The following PPARG variants were observed in gnomAD, a reference collection of about 807,000 sequenced individuals.
PPARG encodes the protein peroxisome proliferator-activated receptor gamma.
In PPARG, 17 loss-of-function variants were observed where a neutral mutation model predicts 39.2. The observed-to-expected ratio is 0.43, with a 90% confidence interval of 0.30 to 0.65. PPARG has a LOEUF of 0.65. Ranked by LOEUF, PPARG falls within the 30% of genes least tolerant of loss-of-function variation. The pLI is 0.13. For missense variants in PPARG, 406 were observed against 585.9 expected, an observed-to-expected ratio of 0.69 and a Z score of 3.17; for synonymous variants, 223 against 215.7, an observed-to-expected ratio of 1.03 and a Z score of -0.30.
At chr3:12,361,076 CTG>C (rs2048832315) in intron 2 of PPARG, among the ~76,000 whole-genome samples, 1 of 152,196 alleles carries the variant, frequency 6.6e-6, no homozygotes, top group African/African-American at 2.4e-5. Flanking sequence ...TTGGCATTCT[CTG>C]TCTTTTTCAC....
At chr3:12,381,910 C>T (rs1008705889) in intron 4 of PPARG, among the ~76,000 whole-genome samples, 1 of 150,898 alleles carries the variant, frequency 6.6e-6, no homozygotes, top group African/African-American at 2.4e-5. Context: ...CCTGCATTCT[C>T]TAGTTGTTTA....
intron 2 of PPARG, among the ~76,000 whole-genome samples, chr3:12,315,312 T>C (rs2047360163): frequency 6.6e-6 from 1 of 152,188 alleles, no homozygotes; most frequent in Non-Finnish European, 1.5e-5. Flanking sequence ...TTCCATCGTG[T>C]ATGTGAGCCA....
At chr3:12,397,860 GA>G (rs1278362797) in intron 5 of PPARG, among the ~76,000 whole-genome samples, 1 of 152,012 alleles carries the variant, frequency 6.6e-6, no homozygotes, top group African/African-American at 2.4e-5. Context: ...GTGGACTCCA[GA>G]ACCGCCCATG....
At position 12,392,675 on chromosome 3, in the gene PPARG, G is replaced by A. The variant is rs2050121670; in HGVS notation, c.452G>A (p.Arg151Gln). The A allele has an allele frequency of 5.0e-6, 8 of 1,613,602 alleles. No individual in the cohort carries two copies. The highest frequency in any genetic ancestry group is 2.2e-5 in the South Asian group (2 of 91,068). Reference sequence around the variant, plus strand: ...TATGACAGATGTGATCTTAACTGTCGGATCCACAAAAAAAGTAGAAATAAA... The same window carrying A: ...TATGACAGATGTGATCTTAACTGTCAGATCCACAAAAAAAGTAGAAATAAA... The part of the protein sequence containing the change: ...LIYDRCDLNC[R>Q]IHKKSRNKCQ... Residue 151 changes from arginine to glutamine, a missense_variant, in exon 5 of 8, where the codon CGG becomes CAG. Physicochemically the swap from Arg to Gln is conservative, Grantham distance 43. This residue lies in a region of PPARG where 275 missense variants were observed against 458.0 expected (regional missense o/e 0.60). Transcript: ENST00000651735.
chr3:12,380,660 A>G (rs1468096137), intron 3 of PPARG, among the ~76,000 whole-genome samples: 1 of 152,196 alleles, frequency 6.6e-6, no homozygotes, highest in Admixed American at 6.6e-5. Flanking sequence ...GATAAATAAT[A>G]TGCTTAGTTA....
At chr3:12,335,392 T>C (rs1010058413) in intron 2 of PPARG, among the ~76,000 whole-genome samples, 1 of 152,270 alleles carries the variant, frequency 6.6e-6, no homozygotes, top group Non-Finnish European at 1.5e-5. Context: ...CTGCCTTCAT[T>C]GAAATAAGCA....
At chr3:12,333,406 A>G (rs148617865) in intron 2 of PPARG, among the ~76,000 whole-genome samples, 91 of 152,246 alleles carry the variant, frequency 6.0e-4, no homozygotes, top group African/African-American at 2.1e-3. Flanking sequence ...TATAGCCATC[A>G]TTCTTTCTCT....
Position 12,333,367 on chromosome 3 carries a change from A to G in PPARG, c.-9+20914A>G, listed in dbSNP as rs372205065. ...TTACACCACTGGCATGTGGTAATGT[A>G]GGGCTTCCAGCTTGAGTATATCTAA... On this transcript the variant is annotated intron_variant, in intron 2 of 7. Transcript: ENST00000651735. Among the ~76,000 whole-genome samples, 229 of 152,300 alleles carry G rather than the reference A, an allele frequency of 1.5e-3. 1 individual carries two copies. Among genetic ancestry groups the G allele is most frequent in the African/African-American group, 5.2e-3 (214 of 41,552 alleles).
At chr3:12,429,007 G>C (rs547307788) in intron 7 of PPARG, among the ~76,000 whole-genome samples, 1 of 152,300 alleles carries the variant, frequency 6.6e-6, no homozygotes, top group East Asian at 1.9e-4. Flanking sequence ...CAAGGTCACA[G>C]AGCTGGTGAG....
chr3:12,289,971 A>G (rs533160326), intron 1 of PPARG, among the ~76,000 whole-genome samples: 1 of 152,258 alleles, frequency 6.6e-6, no homozygotes, highest in South Asian at 2.1e-4. Context: ...CGAAACTTTA[A>G]AGGTAATGTC....
At chr3:12,389,972 TAC>T (rs1172529515) in intron 4 of PPARG, among the ~76,000 whole-genome samples, 1 of 152,124 alleles carries the variant, frequency 6.6e-6, no homozygotes, top group Non-Finnish European at 1.5e-5. Context: ...ACTGAAAAAG[TAC>T]ATTTCAAGGA....
At position 12,434,175 on chromosome 3, in the gene PPARG, C is replaced by G; in HGVS notation, c.*30C>G. On this transcript the variant is annotated 3_prime_UTR_variant, in exon 8 of 8. Transcript: ENST00000651735. This position sits in a 1 kb window ranked among gnomAD's most constrained non-coding sequence, Gnocchi z 4.2. ...GAGTCCTGAGCCACTGCCAACATTTCCCTTCTTCCAGTTGCACTATTCTGA... is the reference window on the plus strand; with the variant it reads ...GAGTCCTGAGCCACTGCCAACATTTGCCTTCTTCCAGTTGCACTATTCTGA... The G allele has an allele frequency of 6.2e-7, 1 of 1,614,026 alleles. No individual in the cohort carries two copies. Among genetic ancestry groups the G allele is most frequent in the Non-Finnish European group, 8.5e-7 (1 of 1,179,960 alleles).
intron 2 of PPARG, among the ~76,000 whole-genome samples, chr3:12,352,048 G>A (rs1429899745): frequency 6.6e-6 from 1 of 152,050 alleles, no homozygotes; most frequent in Non-Finnish European, 1.5e-5. Flanking sequence ...CATCTCATAT[G>A]TTAGAGATCT....
At chr3:12,326,740 A>G (rs1289730136) in intron 2 of PPARG, among the ~76,000 whole-genome samples, 1 of 152,024 alleles carries the variant, frequency 6.6e-6, no homozygotes, top group Non-Finnish European at 1.5e-5. Context: ...TATAAAAAAA[A>G]AAAGGAGATT....
rs575191992 is a variant in PPARG, at chr3:12,328,820, G to A, written c.-9+16367G>A. On this transcript the variant is annotated intron_variant, in intron 2 of 7. Coordinates refer to ENST00000651735, the MANE Select transcript of PPARG (RefSeq NM_138711.6). Reference sequence around the variant, plus strand: ...GACAGAAGAGGAAGAAAGAACAGACGTTCACAGCTGAATCTCAGTGAACAG... The same window carrying A: ...GACAGAAGAGGAAGAAAGAACAGACATTCACAGCTGAATCTCAGTGAACAG... Among the ~76,000 whole-genome samples the A allele has an allele frequency of 3.3e-5, 5 of 152,318 alleles. No homozygotes were observed. In the South Asian group the frequency reaches 8.3e-4, roughly 25 times the overall value.
intron 6 of PPARG, among the ~76,000 whole-genome samples, chr3:12,413,069 T>C (rs990638190): frequency 6.6e-6 from 1 of 152,126 alleles, no homozygotes; most frequent in Non-Finnish European, 1.5e-5. Flanking sequence ...AAAACAGCCA[T>C]GGAAGTGCAG....
At chr3:12,309,671 T>C (rs1206718136) in intron 1 of PPARG, among the ~76,000 whole-genome samples, 1 of 152,258 alleles carries the variant, frequency 6.6e-6, no homozygotes, top group Non-Finnish European at 1.5e-5. Flanking sequence ...AAGTAATTCT[T>C]TGATAAGTTT....
At chr3:12,338,178 C>T (rs532468316) in intron 2 of PPARG, among the ~76,000 whole-genome samples, 3 of 152,258 alleles carry the variant, frequency 2.0e-5, no homozygotes, top group East Asian at 1.9e-4. Flanking sequence ...GAATCTGTTT[C>T]GTGTCTCAAT....
chr3:12,300,718 T>C (rs2046904621), intron 1 of PPARG, among the ~76,000 whole-genome samples: 1 of 152,218 alleles, frequency 6.6e-6, no homozygotes, highest in Non-Finnish European at 1.5e-5. Context: ...CCATGTTCTG[T>C]GTTACACATA....
Sources: allele counts gnomAD v4.1 joint callset (sites outside exome capture counted in the v4.1 genomes callset), GRCh38; gene constraint gnomAD v4.1.1; regional missense constraint gnomAD v4.1.1; non-coding constraint Gnocchi (gnomAD v3.1); transcripts MANE v1.5; gene names NCBI Gene and HGNC (gene_info 2026-07-23, HGNC 2026-07-21).